The following ELP3 variants were observed in gnomAD, a reference collection of about 807,000 sequenced individuals.
ELP3 encodes elongator complex protein 3.
A neutral mutation model predicts 74.9 loss-of-function variants in ELP3; 56 were observed. That is an observed-to-expected ratio of 0.75 (90% CI 0.60 to 0.93). The LOEUF (loss-of-function observed/expected upper bound fraction) is 0.93, where lower values mean the gene tolerates loss of function less well. ELP3 is among the 40% of genes least tolerant of loss of function. ELP3 has a pLI of 0.00. For missense variants in ELP3, 573 were observed against 686.5 expected (o/e 0.83, Z 1.85); for synonymous variants, 222 against 239.8 (o/e 0.93, Z 0.68).
Position 28,113,171 on chromosome 8 carries a change from C to A in ELP3, c.615C>A (p.Val205=). ...GHTSNNIYEA[V]KYSERSLTKC... Reference sequence around the variant, plus strand: ...CTTCCAACAATATTTACGAGGCAGTCAAGTAAGAAATTCTTATTTTATCAT... The same window carrying A: ...CTTCCAACAATATTTACGAGGCAGTAAAGTAAGAAATTCTTATTTTATCAT... Residue 205 remains valine, a splice_region_variant and synonymous_variant, in exon 7 of 15, where the codon GTC becomes GTA. Transcript: ENST00000256398. 1 of 1,611,954 alleles carries A rather than the reference C, an allele frequency of 6.2e-7. No individual in the cohort carries two copies. The highest frequency in any genetic ancestry group is 1.1e-5 in the South Asian group (1 of 90,710).
chr8:28,129,772 T>C, intron 8 of ELP3, 109 bp downstream of exon 8: 1 of 1,226,712 alleles, frequency 8.2e-7, no homozygotes, highest in Non-Finnish European at 1.2e-6. Context: ...GAAAGAAGTA[T>C]GGGTATTCCT....
chr8:28,092,092 GC>G (rs1336804641), upstream of ELP3, among the ~76,000 whole-genome samples: 1 of 152,218 alleles, frequency 6.6e-6, no homozygotes, highest in African/African-American at 2.4e-5. Context: ...TAAAGACTCT[GC>G]CACTCACAAG....
chr8:28,160,345 A>G lies in ELP3; in HGVS notation c.1374A>G (p.Glu458=), dbSNP rs756472262. The change falls in exon 13 of 15, where the codon GAA becomes GAG. Residue 458 remains glutamate (E), a synonymous_variant. Coordinates refer to ENST00000256398, the MANE Select transcript of ELP3 (RefSeq NM_018091.6). Reference sequence around the variant, plus strand: ...TCCTACGATTACGCAAGTGTTCAGAAGAAACTTTCCGTTTCGAATTGGGTG... The same window carrying G: ...TCCTACGATTACGCAAGTGTTCAGAGGAAACTTTCCGTTTCGAATTGGGTG... ...IGLLRLRKCS[E]ETFRFELGGG... 3.1e-6 allele frequency: 5 copies of G among 1,614,096 alleles called. No homozygotes were observed. In the Admixed American group the frequency reaches 8.3e-5, roughly 27 times the overall value.
At chr8:28,094,644 A>AAT (rs1811182160) in intron 1 of ELP3, among the ~76,000 whole-genome samples, 1 of 152,148 alleles carries the variant, frequency 6.6e-6, no homozygotes, top group Non-Finnish European at 1.5e-5. Flanking sequence ...GCTGAGGCAG[A>AAT]GGCGGGAGAA....
At position 28,106,734 on chromosome 8, in the gene ELP3, T is replaced by A. The variant is rs769798781; in HGVS notation, c.280T>A (p.Cys94Ser). Reference sequence around the variant, plus strand: ...ATAGATTGCTGTCGTGGCTGTGATGTGCAAACCCCACAGATGTCCACACAT... The same window carrying A: ...ATAGATTGCTGTCGTGGCTGTGATGAGCAAACCCCACAGATGTCCACACAT... ...ASGIAVVAVM[C>S]KPHRCPHISF... The change falls in exon 4 of 15, where the codon TGC becomes AGC. Residue 94 changes from cysteine (C) to serine (S), a missense_variant. Cys to Ser is a moderately radical substitution (Grantham distance 112). Coordinates refer to ENST00000256398, the MANE Select transcript of ELP3 (RefSeq NM_018091.6). 18 of 1,612,942 alleles carry A rather than the reference T, an allele frequency of 1.1e-5. No individual in the cohort carries two copies. Among genetic ancestry groups the A allele is most frequent in the Non-Finnish European group, 1.4e-5 (16 of 1,179,814 alleles).
chr8:28,116,200 TGAAAA>T (rs1187410738), intron 7 of ELP3, among the ~76,000 whole-genome samples: 3 of 152,128 alleles, frequency 2.0e-5, no homozygotes, highest in African/African-American at 7.2e-5. Flanking sequence ...TTTGTAAAAG[TGAAAA>T]GAAGAGAGGA....
chr8:28,152,933 A>G (rs1813698075), intron 10 of ELP3, among the ~76,000 whole-genome samples: 1 of 152,230 alleles, frequency 6.6e-6, no homozygotes, highest in Non-Finnish European at 1.5e-5. Context: ...CGTATATGGT[A>G]TGAGGTAGGG....
intron 14 of ELP3, among the ~76,000 whole-genome samples, chr8:28,188,870 T>C (rs866780703): frequency 6.6e-5 from 10 of 152,112 alleles, no homozygotes; most frequent in South Asian, 2.1e-4. Context: ...CTGCTTGCAA[T>C]TGGTGTCTGA....
chr8:28,162,060 A>G lies in ELP3; in HGVS notation c.1549A>G (p.Lys517Glu). 1 of 1,614,174 alleles carries G rather than the reference A, an allele frequency of 6.2e-7. No homozygotes were observed. Among genetic ancestry groups the G allele is most frequent in the Non-Finnish European group, 8.5e-7 (1 of 1,179,996 alleles). ...RIAREEHGSGKIAVISGVGTR... is the reference protein window; with the variant it reads ...RIAREEHGSGEIAVISGVGTR... ...AGCTAGAGAAGAACATGGGTCTGGG[A>G]AAATCGCTGTGATATCAGGTAACTG... The change falls in exon 14 of 15, where the codon AAA (lysine) becomes GAA (glutamate). Residue 517 changes from lysine (K) to glutamate (E), a missense_variant. By Grantham distance (56) the Lys-to-Glu change is moderately conservative. Transcript: ENST00000256398.
Position 28,113,148 on chromosome 8 carries a change from T to G in ELP3, c.592T>G (p.Ser198Ala). ...NLHDALSGHT[S>A]NNIYEAVKYS... ...ACATGATGCCTTATCAGGACATACT[T>G]CCAACAATATTTACGAGGCAGTCAA... The change falls in exon 7 of 15, where the codon TCC (serine) becomes GCC (alanine). Residue 198 changes from serine (S) to alanine (A), a missense_variant. By Grantham distance (99) the Ser-to-Ala change is moderately conservative. Coordinates refer to ENST00000256398, the MANE Select transcript of ELP3 (RefSeq NM_018091.6). The G allele has an allele frequency of 6.2e-7, 1 of 1,613,082 alleles. No individual in the cohort carries two copies.
chr8:28,121,611 C>T (rs1445940303), intron 7 of ELP3, among the ~76,000 whole-genome samples: 4 of 152,060 alleles, frequency 2.6e-5, no homozygotes, highest in Admixed American at 6.5e-5. Flanking sequence ...TGAGCCACCA[C>T]GCCCGGCCAT....
At chr8:28,171,967 G>A (rs910707730) in intron 14 of ELP3, among the ~76,000 whole-genome samples, 9 of 152,126 alleles carry the variant, frequency 5.9e-5, no homozygotes, top group African/African-American at 2.2e-4. Context: ...CAGTCGAAAA[G>A]AAAAGTGAAA....
chr8:28,093,011 G>A (rs111292522), upstream of ELP3: 181 of 768,496 alleles, frequency 2.4e-4, 1 homozygote, highest in African/African-American at 6.3e-4. Flanking sequence ...CAGCCTAGGG[G>A]CCTCACGGGC....
chr8:28,118,136 C>G (rs1812211052), intron 7 of ELP3, among the ~76,000 whole-genome samples: 1 of 152,124 alleles, frequency 6.6e-6, no homozygotes, highest in South Asian at 2.1e-4. Context: ...AACTGACTTT[C>G]ATTAGCTTAG....
chr8:28,159,043 A>G (rs924510659), intron 12 of ELP3, among the ~76,000 whole-genome samples: 2 of 152,252 alleles, frequency 1.3e-5, no homozygotes, highest in East Asian at 3.8e-4. Context: ...GGAAGAGCAT[A>G]GTATGATCTG....
At chr8:28,122,994 C>T (rs756872595) in intron 7 of ELP3, among the ~76,000 whole-genome samples, 8 of 152,134 alleles carry the variant, frequency 5.3e-5, no homozygotes, top group Admixed American at 2.6e-4. Context: ...TGTGGTGGCA[C>T]GCACCTGTAA....
At chr8:28,181,718 G>A (rs974291987) in intron 14 of ELP3, among the ~76,000 whole-genome samples, 4 of 152,210 alleles carry the variant, frequency 2.6e-5, no homozygotes, top group African/African-American at 7.2e-5. Context: ...GGTGCCAGGC[G>A]CATTAGAAAC....
chr8:28,097,116 G>A lies in ELP3; in HGVS notation c.20-103G>A, dbSNP rs115640995. The A allele has an allele frequency of 6.2e-4, 422 of 683,582 alleles. No homozygotes were observed. The African/African-American group carries it at 6.9e-3, about 11-fold the overall frequency. The allele number at this position is 683,582 out of a possible 1,614,324, so 42.3% of individuals were successfully genotyped here. On this transcript the variant is annotated intron_variant, in intron 1 of 14. Coordinates refer to ENST00000256398, the MANE Select transcript of ELP3 (RefSeq NM_018091.6). ...TCTTCTGAACTTGAGCTATTCATTT[G>A]GCATATTTGTATGGTTTCGGATGGA...
At chr8:28,137,668 G>A (rs1320910528) in intron 9 of ELP3, 30 bp from the exon 10 acceptor site, 1 of 1,602,154 alleles carries the variant, frequency 6.2e-7, no homozygotes, top group Non-Finnish European at 8.5e-7. Flanking sequence ...ATAACTAATG[G>A]AGAAGTCATT....
Sources: allele counts gnomAD v4.1 joint callset (sites outside exome capture counted in the v4.1 genomes callset), GRCh38; gene constraint gnomAD v4.1.1; transcripts MANE v1.5; gene names NCBI Gene and HGNC (gene_info 2026-07-23, HGNC 2026-07-21).